RNF38: variants seen among roughly 807,000 people sequenced by gnomAD.
RNF38 encodes ring finger protein 38, also known as E3 ubiquitin-protein ligase RNF38.
A neutral mutation model predicts 67.2 loss-of-function variants in RNF38; 15 were observed. The observed-to-expected ratio is 0.22, with a 90% CI of 0.15 to 0.34. RNF38 has a LOEUF of 0.34. Ranked by LOEUF, RNF38 falls within the 10% of genes least tolerant of loss-of-function variation. RNF38 has a pLI of 1.00. For missense variants in RNF38, 524 were observed against 639.9 expected, an observed-to-expected ratio of 0.82 and a Z score of 1.95; for synonymous variants, 220 against 218.8, an observed-to-expected ratio of 1.01 and a Z score of -0.05.
intron 1 of RNF38, among the ~76,000 whole-genome samples, chr9:36,462,006 A>G (rs1439134863): frequency 6.6e-6 from 1 of 152,214 alleles, no homozygotes; most frequent in African/African-American, 2.4e-5. Context: ...TGACCGGGAA[A>G]AGAGGTTGGC....
chr9:36,401,308 G>T, upstream of RNF38: 1 of 620,660 alleles, frequency 1.6e-6, no homozygotes, highest in Non-Finnish European at 1.9e-6. Context: ...GCCCCAGCCC[G>T]CCCCCCGCTG....
chr9:36,345,873 T>TCC (rs1278050814), intron 9 of RNF38, among the ~76,000 whole-genome samples: 6 of 152,148 alleles, frequency 3.9e-5, no homozygotes, highest in Non-Finnish European at 7.4e-5. Context: ...TAAATGAACC[T>TCC]CCCATCCCTG....
intron 1 of RNF38, among the ~76,000 whole-genome samples, chr9:36,451,136 T>C (rs1169429909): frequency 1.3e-5 from 2 of 152,072 alleles, no homozygotes; most frequent in African/African-American, 4.8e-5. Context: ...TAAAAAGTTA[T>C]GGAACAAACA....
intron 1 of RNF38, among the ~76,000 whole-genome samples, chr9:36,472,452 G>C (rs1335784703): frequency 3.3e-5 from 5 of 152,164 alleles, no homozygotes. Flanking sequence ...TGTATTTCAT[G>C]TGTGGTCCAA....
At chr9:36,378,135 G>A (rs1465953365) in intron 2 of RNF38, among the ~76,000 whole-genome samples, 1 of 149,750 alleles carries the variant, frequency 6.7e-6, no homozygotes, top group African/African-American at 2.5e-5. Flanking sequence ...CAGGCTGGCT[G>A]CACAACTGGT....
At position 36,356,290 on chromosome 9, in the gene RNF38, T is replaced by C. The variant is rs746553527; in HGVS notation, c.909+13A>G. On this transcript the variant is annotated intron_variant, in intron 6 of 11. Transcript: ENST00000259605. Reference sequence around the variant, plus strand: ...AAAACTAAACATTCTGACATAATAGTAGAGATACCTACCGATCGTGATTGC... The same window carrying C: ...AAAACTAAACATTCTGACATAATAGCAGAGATACCTACCGATCGTGATTGC... The C allele has an allele frequency of 3.7e-6, 6 of 1,612,988 alleles. No individual in the cohort carries two copies. Among genetic ancestry groups the C allele is most frequent in the East Asian group, 2.2e-5 (1 of 44,838 alleles).
chr9:36,356,098 C>T (rs746216039), intron 6 of RNF38, among the ~76,000 whole-genome samples: 3 of 152,094 alleles, frequency 2.0e-5, no homozygotes, highest in African/African-American at 4.8e-5. Context: ...CTGCCTGCCT[C>T]GACCTCCCAG....
At chr9:36,416,938 G>C (rs557155931) in intron 2 of RNF38, among the ~76,000 whole-genome samples, 1 of 151,962 alleles carries the variant, frequency 6.6e-6, no homozygotes, top group East Asian at 1.9e-4. Context: ...TTTTAGTAGA[G>C]ATAGGATTTC....
chr9:36,478,352 C>T (rs544717843), intron 1 of RNF38, among the ~76,000 whole-genome samples: 21 of 134,602 alleles, frequency 1.6e-4, no homozygotes, highest in African/African-American at 4.5e-4. Flanking sequence ...TGCAGTGAGC[C>T]GAGATCACGC....
At chr9:36,401,528 C>A (rs1158452150), upstream of RNF38, among the ~76,000 whole-genome samples, 1 of 152,156 alleles carries the variant, frequency 6.6e-6, no homozygotes, top group African/African-American at 2.4e-5. Context: ...AGCAAGCCAA[C>A]AGGTTCGAAC....
chr9:36,379,510 T>TA (rs947793263), intron 2 of RNF38, among the ~76,000 whole-genome samples: 5 of 151,942 alleles, frequency 3.3e-5, no homozygotes, highest in Admixed American at 6.6e-5. Context: ...TGTGGAAGCA[T>TA]AAAAAAAATG....
chr9:36,367,472 G>T (rs1390934625), intron 4 of RNF38, among the ~76,000 whole-genome samples: 1 of 152,020 alleles, frequency 6.6e-6, no homozygotes, highest in Non-Finnish European at 1.5e-5. Context: ...TATCTTGAAA[G>T]ATTTCCTAAT....
chr9:36,397,248 G>A (rs1294693412), intron 1 of RNF38, among the ~76,000 whole-genome samples: 3 of 151,374 alleles, frequency 2.0e-5, no homozygotes, highest in Admixed American at 1.3e-4. Flanking sequence ...CCAGAGTAGC[G>A]GATTACAGGT....
intron 1 of RNF38, among the ~76,000 whole-genome samples, chr9:36,450,529 AG>A (rs1335466905): frequency 2.0e-5 from 3 of 152,230 alleles, no homozygotes; most frequent in Admixed American, 2.0e-4. Context: ...AAAGAATTTC[AG>A]GGAACAATTT....
intron 5 of RNF38, 67 bp from the exon 6 acceptor site, chr9:36,356,540 G>A (rs977578820): frequency 4.4e-5 from 60 of 1,357,052 alleles, no homozygotes; most frequent in Non-Finnish European, 6.0e-5. Context: ...AAAGGATAGT[G>A]AGATTAAAAT....
At chr9:36,345,095 T>C (rs1833124846) in intron 9 of RNF38, 142 bp from the exon 10 acceptor site, 1 of 781,298 alleles carries the variant, frequency 1.3e-6, no homozygotes, top group Non-Finnish European at 1.9e-6. Flanking sequence ...TTGTGCACTG[T>C]GGCCTCGAAC....
chr9:36,461,435 A>C (rs140146739), intron 1 of RNF38, among the ~76,000 whole-genome samples: 17 of 152,342 alleles, frequency 1.1e-4, no homozygotes, highest in Non-Finnish European at 2.2e-4. Flanking sequence ...AAAGGGTAGA[A>C]CAAGAGTGTT....
chr9:36,382,489 C>A (rs963523320), intron 2 of RNF38, among the ~76,000 whole-genome samples: 3 of 152,046 alleles, frequency 2.0e-5, no homozygotes, highest in African/African-American at 7.2e-5. Context: ...ATGAACAAGT[C>A]AGAAGTCATT....
chr9:36,409,245 A>G lies in RNF38; in HGVS notation n.312+15368T>C, dbSNP rs902324330. Among the ~76,000 whole-genome samples the G allele has an allele frequency of 2.7e-5, 4 of 148,290 alleles. No homozygotes were observed. In the South Asian group the frequency reaches 6.5e-4, roughly 24 times the overall value. ...AGGAGGGAAGGAAGGATGGAAGGAAAGAAGGAAGGAAGGAAGGAAGGAAAG... is the reference window on the plus strand; with the variant it reads ...AGGAGGGAAGGAAGGATGGAAGGAAGGAAGGAAGGAAGGAAGGAAGGAAAG... On this transcript the variant is annotated intron_variant and non_coding_transcript_variant, in intron 2 of 3. Transcript: ENST00000488058.
Sources: gnomAD v4.1 joint callset for allele counts (sites outside exome capture counted in the v4.1 genomes callset) on GRCh38, gnomAD v4.1.1 for gene constraint, MANE v1.5 for transcripts, NCBI Gene and HGNC (gene_info 2026-07-23, HGNC 2026-07-21) for gene names.